MACROD2: variants seen among roughly 807,000 people sequenced by gnomAD.
MACROD2 encodes ADP-ribose glycohydrolase MACROD2.
A neutral mutation model predicts 70.4 loss-of-function variants in MACROD2; 36 were observed. The ratio of observed to expected loss-of-function variants is 0.51; its 90% CI spans 0.39 to 0.68. The LOEUF (loss-of-function observed/expected upper bound fraction) is 0.68. Ranked by LOEUF, MACROD2 falls within the 30% of genes least tolerant of loss-of-function variation. The pLI is 0.00. For synonymous variants in MACROD2, 172 were observed against 178.8 expected (o/e 0.96, Z 0.30); for missense variants, 496 against 538.4 (o/e 0.92, Z 0.78).
intron 15 of MACROD2, among the ~76,000 whole-genome samples, chr20:16,034,171 T>C (rs544867859): frequency 2.6e-5 from 4 of 152,170 alleles, no homozygotes; most frequent in African/African-American, 9.6e-5. Flanking sequence ...TTTTTAGAAG[T>C]TAAATTTATT....
chr20:14,801,275 T>C (rs909796603), intron 5 of MACROD2, among the ~76,000 whole-genome samples: 1 of 152,260 alleles, frequency 6.6e-6, no homozygotes, highest in Admixed American at 6.5e-5. Flanking sequence ...CGTGCTTCTC[T>C]ACAGAAAAGC....
chr20:14,250,720 G>A (rs192520782), intron 3 of MACROD2, among the ~76,000 whole-genome samples: 1 of 152,108 alleles, frequency 6.6e-6, no homozygotes, highest in East Asian at 1.9e-4. Context: ...TTTCCATAGA[G>A]TCTCTAGCTT....
chr20:14,142,876 CT>C (rs2054895589), intron 3 of MACROD2, among the ~76,000 whole-genome samples: 1 of 152,056 alleles, frequency 6.6e-6, no homozygotes, highest in African/African-American at 2.4e-5. Context: ...TCATTTGTGG[CT>C]TAAAAGAGAT....
intron 4 of MACROD2, among the ~76,000 whole-genome samples, chr20:14,638,932 A>G (rs1984940312): frequency 6.6e-6 from 1 of 150,798 alleles, no homozygotes; most frequent in Non-Finnish European, 1.5e-5. Flanking sequence ...CCTGGGCGAC[A>G]GAGCAAGACT....
intron 5 of MACROD2, among the ~76,000 whole-genome samples, chr20:14,700,700 A>G (rs1315992359): frequency 6.6e-6 from 1 of 152,192 alleles, no homozygotes; most frequent in Admixed American, 6.5e-5. Context: ...TGCTTACAGT[A>G]GTAAAATGCA....
Position 15,230,186 on chromosome 20 carries a change from G to A in MACROD2, c.540+125G>A, listed in dbSNP as rs2076947709. The A allele has an allele frequency of 4.7e-6, 4 of 843,122 alleles. No homozygotes were observed. The East Asian group carries it at 1.1e-4, about 24-fold the overall frequency. 52.2% of individuals were successfully genotyped at this position (843,122 alleles called of 1,614,324 possible). On this transcript the variant is annotated intron_variant, in intron 6 of 17. Coordinates refer to ENST00000684519, the MANE Select transcript of MACROD2 (RefSeq NM_001351661.2). ...TTGAGAACTAAGTTTAAGGATCTTA[G>A]TAGCCGATTTGGTTATCATGACTCT...
At chr20:14,583,291 G>A (rs1038952229) in intron 4 of MACROD2, among the ~76,000 whole-genome samples, 1 of 152,102 alleles carries the variant, frequency 6.6e-6, no homozygotes. Flanking sequence ...CCAGAATAAT[G>A]AGGATGTTAA....
intron 8 of MACROD2, among the ~76,000 whole-genome samples, chr20:15,851,558 C>T (rs1025152713): frequency 2.6e-5 from 4 of 152,210 alleles, no homozygotes; most frequent in East Asian, 1.9e-4. Flanking sequence ...GGCCTATCCC[C>T]GTGACCTCAT....
intron 10 of MACROD2, among the ~76,000 whole-genome samples, chr20:15,914,984 G>A (rs2065292502): frequency 6.6e-6 from 1 of 152,126 alleles, no homozygotes; most frequent in Admixed American, 6.5e-5. Flanking sequence ...AGATGAAGCA[G>A]TGCATAGGGT....
chr20:14,976,080 C>T (rs906282303), intron 5 of MACROD2, among the ~76,000 whole-genome samples: 2 of 152,136 alleles, frequency 1.3e-5, no homozygotes, highest in African/African-American at 4.8e-5. Flanking sequence ...TGGTTGTTCC[C>T]GTTGTCTGTG....
At chr20:16,002,136 C>A (rs768035693) in intron 15 of MACROD2, among the ~76,000 whole-genome samples, 1 of 151,968 alleles carries the variant, frequency 6.6e-6, no homozygotes, top group South Asian at 2.1e-4. Context: ...ATAAGTAGAT[C>A]TCAAAGTTAT....
At position 14,967,353 on chromosome 20, in the gene MACROD2, G is replaced by A. The variant is rs150978654; in HGVS notation, c.419-262587G>A. Reference sequence around the variant, plus strand: ...GATTACAGGTATTTTTAGTAGAGACGGGGTCTCACCATGTTGGCCAGACTG... The same window carrying A: ...GATTACAGGTATTTTTAGTAGAGACAGGGTCTCACCATGTTGGCCAGACTG... On this transcript the variant is annotated intron_variant, in intron 5 of 17. Transcript: ENST00000684519. Among the ~76,000 whole-genome samples the A allele has an allele frequency of 5.2e-4, 76 of 146,960 alleles. 1 individual carries two copies. The highest frequency in any genetic ancestry group is 1.9e-3 in the African/African-American group (70 of 36,708).
At chr20:15,239,902 G>T (rs1445232248) in intron 6 of MACROD2, among the ~76,000 whole-genome samples, 1 of 152,160 alleles carries the variant, frequency 6.6e-6, no homozygotes, top group African/African-American at 2.4e-5. Flanking sequence ...CATAGTTGAG[G>T]TTTGAACAAG....
intron 8 of MACROD2, among the ~76,000 whole-genome samples, chr20:15,586,442 T>G (rs1049376200): frequency 6.6e-6 from 1 of 152,250 alleles, no homozygotes; most frequent in Non-Finnish European, 1.5e-5. Flanking sequence ...TCTTTTAAAA[T>G]TTTATCTATT....
chr20:15,574,149 A>G (rs2048413043), intron 8 of MACROD2, among the ~76,000 whole-genome samples: 1 of 152,210 alleles, frequency 6.6e-6, no homozygotes, highest in Non-Finnish European at 1.5e-5. Flanking sequence ...AATTCCAAGC[A>G]TGTGCAGACA....
At position 14,304,470 on chromosome 20, in the gene MACROD2, T is replaced by C. The variant is rs539271444; in HGVS notation, c.272-189009T>C. On this transcript the variant is annotated intron_variant, in intron 3 of 17. Coordinates refer to ENST00000684519, the MANE Select transcript of MACROD2 (RefSeq NM_001351661.2). ...TTTAGTAGACATACTGTGCCTCTGGTTCAGACTGAAATTGTGGTTGACTAA... is the reference window on the plus strand; with the variant it reads ...TTTAGTAGACATACTGTGCCTCTGGCTCAGACTGAAATTGTGGTTGACTAA... Among the ~76,000 whole-genome samples the C allele has an allele frequency of 1.1e-4, 16 of 152,332 alleles. 1 individual carries two copies. In the South Asian group the frequency reaches 1.9e-3, roughly 18 times the overall value.
At position 15,911,711 on chromosome 20, in the gene MACROD2, G is replaced by C. The variant is rs552904775; in HGVS notation, c.776-21565G>C. On this transcript the variant is annotated intron_variant, in intron 10 of 17. Transcript: ENST00000684519. Reference sequence around the variant, plus strand: ...AAATAAAAGCTAAACAAAAGAGAGAGTGCCACCTCTGTATGTTGTTGCTGG... The same window carrying C: ...AAATAAAAGCTAAACAAAAGAGAGACTGCCACCTCTGTATGTTGTTGCTGG... Among the ~76,000 whole-genome samples the C allele has an allele frequency of 6.6e-5, 10 of 152,338 alleles. No individual in the cohort carries two copies. The South Asian group carries it at 2.1e-3, about 32-fold the overall frequency.
intron 3 of MACROD2, among the ~76,000 whole-genome samples, chr20:14,226,494 G>A (rs1158531510): frequency 6.6e-6 from 1 of 152,170 alleles, no homozygotes; most frequent in Non-Finnish European, 1.5e-5. Flanking sequence ...CCCTCAGCTT[G>A]CAGGGAGATG....
At chr20:14,606,041 C>T (rs1356735206) in intron 4 of MACROD2, among the ~76,000 whole-genome samples, 1 of 152,010 alleles carries the variant, frequency 6.6e-6, no homozygotes, top group Non-Finnish European at 1.5e-5. Context: ...CACAGGGATA[C>T]CCTATGTGTA....
Sources: gnomAD v4.1 joint callset for allele counts (sites outside exome capture counted in the v4.1 genomes callset) on GRCh38, gnomAD v4.1.1 for gene constraint, MANE v1.5 for transcripts, NCBI Gene and HGNC (gene_info 2026-07-23, HGNC 2026-07-21) for gene names.